The following HEMK2 variants were observed in gnomAD, a reference collection of about 807,000 sequenced individuals.
HEMK2 encodes the protein methyltransferase HEMK2.
At chr21:28,840,278 GA>G in the HEMK2 span, among the ~76,000 whole-genome samples, 1 of 152,072 alleles carries the variant, frequency 6.6e-6, no homozygotes, top group South Asian at 2.1e-4. Flanking sequence ...GATAACATTG[GA>G]AAAACCCTTC....
chr21:28,805,308 C>G, the HEMK2 span, among the ~76,000 whole-genome samples: 5 of 152,118 alleles, frequency 3.3e-5, no homozygotes, highest in Non-Finnish European at 4.4e-5. Flanking sequence ...CCTGTTTTCC[C>G]TCCCACCACC....
chr21:28,797,339 T>C, the HEMK2 span, among the ~76,000 whole-genome samples: 1 of 151,646 alleles, frequency 6.6e-6, no homozygotes, highest in Non-Finnish European at 1.5e-5. Flanking sequence ...CCCATGCCTG[T>C]AATCCCAGAA....
At chr21:28,790,599 G>C in the HEMK2 span, among the ~76,000 whole-genome samples, 1 of 152,062 alleles carries the variant, frequency 6.6e-6, no homozygotes, top group South Asian at 2.1e-4. Flanking sequence ...GAACAATTCC[G>C]GGCACAGAGT....
the HEMK2 span, among the ~76,000 whole-genome samples, chr21:28,671,583 T>A: frequency 6.6e-6 from 1 of 152,184 alleles, no homozygotes; most frequent in Admixed American, 6.5e-5. Flanking sequence ...AAATACAACC[T>A]GGATTACTGC....
the HEMK2 span, among the ~76,000 whole-genome samples, chr21:28,771,777 C>A: frequency 9.2e-4 from 140 of 152,122 alleles, no homozygotes; most frequent in African/African-American, 3.2e-3. Flanking sequence ...TGAGAAATAG[C>A]ACCCTGCTTG....
At chr21:28,625,258 A>C in the HEMK2 span, among the ~76,000 whole-genome samples, 4 of 152,192 alleles carry the variant, frequency 2.6e-5, no homozygotes, top group Non-Finnish European at 5.9e-5. Context: ...TTATTCAAAA[A>C]TTTTCTATAA....
chr21:28,663,292 T>C, the HEMK2 span, among the ~76,000 whole-genome samples: 1 of 152,202 alleles, frequency 6.6e-6, no homozygotes, highest in Non-Finnish European at 1.5e-5. Flanking sequence ...GCAGCAGCCA[T>C]CCAGCCAGCC....
At chr21:28,850,996 C>T in the HEMK2 span, among the ~76,000 whole-genome samples, 76,846 of 151,890 alleles carry the variant, frequency 0.51, 21,530 homozygotes, top group East Asian at 0.8. Flanking sequence ...CCACTTCCAT[C>T]TGATAACGGA....
the HEMK2 span, among the ~76,000 whole-genome samples, chr21:28,778,971 T>C: frequency 6.6e-6 from 1 of 152,178 alleles, no homozygotes; most frequent in East Asian, 1.9e-4. Context: ...CTCTTACGCA[T>C]CACGTTTTGG....
the HEMK2 span, among the ~76,000 whole-genome samples, chr21:28,788,277 TATAC>T: frequency 7.6e-6 from 1 of 132,206 alleles, no homozygotes; most frequent in African/African-American, 3.7e-5. Context: ...TTCCATCATA[TATAC>T]ACACACACAC....
the HEMK2 span, among the ~76,000 whole-genome samples, chr21:28,632,850 T>C: frequency 6.6e-6 from 1 of 152,122 alleles, no homozygotes; most frequent in Non-Finnish European, 1.5e-5. Flanking sequence ...TGAATCACCA[T>C]AGAAAAGATA....
At chr21:28,778,232 G>T in the HEMK2 span, among the ~76,000 whole-genome samples, 3 of 152,282 alleles carry the variant, frequency 2.0e-5, no homozygotes, top group Non-Finnish European at 2.9e-5. Context: ...ACCTTTAGGG[G>T]TTGGCTTTTT....
chr21:28,792,416 C>T, the HEMK2 span, among the ~76,000 whole-genome samples: 1 of 152,118 alleles, frequency 6.6e-6, no homozygotes, highest in Non-Finnish European at 1.5e-5. Context: ...GGATCAGAAT[C>T]GCTTTCTGGT....
chr21:28,735,251 TA>T, the HEMK2 span, among the ~76,000 whole-genome samples: 3 of 152,164 alleles, frequency 2.0e-5, no homozygotes, highest in African/African-American at 7.2e-5. Context: ...TCTAGTACAA[TA>T]GGACTGGGTT....
the HEMK2 span, among the ~76,000 whole-genome samples, chr21:28,880,742 CAA>C: frequency 1.8e-5 from 2 of 110,206 alleles, no homozygotes; most frequent in Admixed American, 9.9e-5. Flanking sequence ...GACTGTGTCT[CAA>C]AAAAAAAAAG....
chr21:28,879,855 T>C, the HEMK2 span: 1 of 1,519,512 alleles, frequency 6.6e-7, no homozygotes, highest in Non-Finnish European at 8.9e-7. Context: ...AATTAAATTT[T>C]GTTGTATGTT....
At chr21:28,854,922 T>C in the HEMK2 span, among the ~76,000 whole-genome samples, 2 of 152,200 alleles carry the variant, frequency 1.3e-5, no homozygotes, top group African/African-American at 4.8e-5. Context: ...ATATTAACCA[T>C]TACAATCATT....
At chr21:28,831,057 G>C in the HEMK2 span, among the ~76,000 whole-genome samples, 1 of 152,076 alleles carries the variant, frequency 6.6e-6, no homozygotes, top group Non-Finnish European at 1.5e-5. Flanking sequence ...CTGGTATTCA[G>C]TAAAGGAGTA....
chr21:28,629,085 C>T, the HEMK2 span, among the ~76,000 whole-genome samples: 1 of 152,176 alleles, frequency 6.6e-6, no homozygotes, highest in African/African-American at 2.4e-5. Flanking sequence ...CTTCCTCATC[C>T]CTCCCCATAC....
Sources: allele counts gnomAD v4.1 joint callset (sites outside exome capture counted in the v4.1 genomes callset), GRCh38; gene constraint gnomAD v4.1.1; transcripts MANE v1.5; gene names NCBI Gene and HGNC (gene_info 2026-07-23, HGNC 2026-07-21).